Variants in CCDC73 observed in about 807,000 individuals in gnomAD.
CCDC73 encodes the protein coiled-coil domain containing 73.
A neutral mutation model predicts 116.5 loss-of-function variants in CCDC73; 95 were observed. That is an observed-to-expected ratio of 0.82 (90% confidence interval 0.69 to 0.97). CCDC73 has a LOEUF of 0.97. Ranked by LOEUF, CCDC73 falls within the 50% of genes least tolerant of loss-of-function variation. The pLI, the probability that CCDC73 is intolerant of heterozygous loss-of-function variation, is 0.00. For synonymous variants in CCDC73, 398 were observed against 401.3 expected (o/e 0.99, Z 0.10); for missense variants, 1,066 against 1,206.8 (o/e 0.88, Z 1.73).
At chr11:32,746,421 A>G (rs1850240196) in intron 2 of CCDC73, among the ~76,000 whole-genome samples, 2 of 152,028 alleles carry the variant, frequency 1.3e-5, no homozygotes, top group African/African-American at 2.4e-5. Flanking sequence ...TGCTCTTCTC[A>G]AGGAGTATCT....
the CCDC73 span, among the ~76,000 whole-genome samples, chr11:32,811,250 C>A: frequency 1.3e-5 from 2 of 152,168 alleles, no homozygotes; most frequent in Non-Finnish European, 2.9e-5. Context: ...ACTAGTCACT[C>A]TCCTGAAATT....
At chr11:32,677,569 T>A (rs976359881) in intron 7 of CCDC73, among the ~76,000 whole-genome samples, 2 of 152,308 alleles carry the variant, frequency 1.3e-5, no homozygotes, top group East Asian at 1.9e-4. Flanking sequence ...CTGTTCATTC[T>A]CAAGCAATTC....
chr11:32,817,676 C>T, the CCDC73 span, among the ~76,000 whole-genome samples: 3 of 152,322 alleles, frequency 2.0e-5, no homozygotes, highest in South Asian at 4.1e-4. Flanking sequence ...TACTGACTCA[C>T]GTACAAACTC....
the CCDC73 span, among the ~76,000 whole-genome samples, chr11:32,800,890 G>T: frequency 6.6e-6 from 1 of 152,176 alleles, no homozygotes; most frequent in Non-Finnish European, 1.5e-5. Flanking sequence ...GGATGCCTCG[G>T]CTGCAAATAA....
chr11:32,811,755 G>T, the CCDC73 span, among the ~76,000 whole-genome samples: 1 of 152,012 alleles, frequency 6.6e-6, no homozygotes, highest in African/African-American at 2.4e-5. Context: ...AAGTGAGAAC[G>T]CATTACTATG....
At chr11:32,773,328 G>C (rs1326969306) in intron 1 of CCDC73, among the ~76,000 whole-genome samples, 2 of 152,142 alleles carry the variant, frequency 1.3e-5, no homozygotes, top group Non-Finnish European at 2.9e-5. Flanking sequence ...GTTTCTTTTT[G>C]AGGTATTAAA....
At chr11:32,702,757 C>T (rs1849824937) in intron 4 of CCDC73, 116 bp downstream of exon 4, 1 of 758,246 alleles carries the variant, frequency 1.3e-6, no homozygotes, top group Non-Finnish European at 2.4e-6. Flanking sequence ...CCCATAATAC[C>T]TTGTTCTCCT....
intron 15 of CCDC73, 142 bp downstream of exon 15, chr11:32,615,798 A>G (rs1855468192): frequency 6.2e-6 from 5 of 804,564 alleles, no homozygotes; most frequent in Non-Finnish European, 9.3e-6. Context: ...CATTCTCAGC[A>G]AAACAGTGAA....
chr11:32,816,575 G>C, the CCDC73 span, among the ~76,000 whole-genome samples: 1 of 152,124 alleles, frequency 6.6e-6, no homozygotes, highest in Admixed American at 6.5e-5. Flanking sequence ...GAGAAGAAAA[G>C]AAGGATAAGG....
the CCDC73 span, among the ~76,000 whole-genome samples, chr11:32,804,960 G>C: frequency 6.6e-6 from 1 of 152,162 alleles, no homozygotes; most frequent in Admixed American, 6.5e-5. Context: ...ACACTTACCT[G>C]TTCTTTCCCT....
intron 9 of CCDC73, among the ~76,000 whole-genome samples, chr11:32,670,756 T>C (rs1856031200): frequency 6.6e-6 from 1 of 152,198 alleles, no homozygotes; most frequent in African/African-American, 2.4e-5. Context: ...ATTGAAAACA[T>C]GGAGCTGTTA....
chr11:32,747,233 G>C (rs1464968701), intron 2 of CCDC73, among the ~76,000 whole-genome samples: 1 of 152,136 alleles, frequency 6.6e-6, no homozygotes, highest in Admixed American at 6.5e-5. Context: ...TCCAGACCCT[G>C]TTTGCCTGGG....
At chr11:32,617,264 T>G (rs958454387) in intron 14 of CCDC73, among the ~76,000 whole-genome samples, 2 of 152,190 alleles carry the variant, frequency 1.3e-5, no homozygotes, top group Admixed American at 6.5e-5. Flanking sequence ...GTGATCTGAC[T>G]GGAAAGACCA....
intron 2 of CCDC73, among the ~76,000 whole-genome samples, chr11:32,728,427 G>A (rs1352878958): frequency 2.0e-5 from 3 of 151,846 alleles, no homozygotes; most frequent in South Asian, 2.1e-4. Context: ...TTGACATTAC[G>A]TTAAGTACTT....
chr11:32,652,065 T>C (rs1405285669), intron 12 of CCDC73, among the ~76,000 whole-genome samples: 1 of 152,198 alleles, frequency 6.6e-6, no homozygotes, highest in African/African-American at 2.4e-5. Flanking sequence ...CAGATTACTC[T>C]AAAAACTTTC....
chr11:32,635,963 T>C, intron 13 of CCDC73, 133 bp from the exon 14 acceptor site: 1 of 564,120 alleles, frequency 1.8e-6, no homozygotes, highest in Non-Finnish European at 2.4e-6. Context: ...ATTACTAATA[T>C]TAAGAGCTAC....
chr11:32,731,409 A>G (rs1850076904), intron 2 of CCDC73, among the ~76,000 whole-genome samples: 1 of 152,240 alleles, frequency 6.6e-6, no homozygotes, highest in South Asian at 2.1e-4. Context: ...CCTGTCCGAC[A>G]GCTTTGAAGA....
At chr11:32,776,970 CACATATATATATACACATGTATATAT>C (rs1850539616) in intron 1 of CCDC73, among the ~76,000 whole-genome samples, 7 of 120,308 alleles carry the variant, frequency 5.8e-5, no homozygotes, top group Middle Eastern at 9.3e-3. Context: ...TACACACACA[CACATATATATATACACATGTATATAT>C]ATATATATAT....
chr11:32,608,140 C>A (rs779931819), intron 17 of CCDC73, among the ~76,000 whole-genome samples: 1 of 152,120 alleles, frequency 6.6e-6, no homozygotes, highest in African/African-American at 2.4e-5. Flanking sequence ...CCATATCATT[C>A]TGCCCCTGGC....
Sources: allele counts gnomAD v4.1 joint callset (sites outside exome capture counted in the v4.1 genomes callset), GRCh38; gene constraint gnomAD v4.1.1; transcripts MANE v1.5; gene names NCBI Gene and HGNC (gene_info 2026-07-23, HGNC 2026-07-21).